LSAMP: variants seen among roughly 807,000 people sequenced by gnomAD.
LSAMP encodes the protein limbic system-associated membrane protein.
A neutral mutation model predicts 38.6 loss-of-function variants in LSAMP; 7 were observed. That is an observed-to-expected ratio of 0.18 (90% CI 0.10 to 0.34). The LOEUF (loss-of-function observed/expected upper bound fraction) is 0.34. Among genes scored for constraint, LSAMP ranks in the 10% least tolerant of loss-of-function variants. The pLI is 1.00. For synonymous variants in LSAMP, 154 were observed against 166.8 expected (o/e 0.92, Z 0.59); for missense variants, 313 against 420.0 (o/e 0.75, Z 2.23).
chr3:115,998,144 C>T (rs1023888200), intron 3 of LSAMP, among the ~76,000 whole-genome samples: 7 of 151,356 alleles, frequency 4.6e-5, no homozygotes, highest in African/African-American at 1.7e-4. Flanking sequence ...GACAACCACT[C>T]AACTAGGACA....
intron 2 of LSAMP, among the ~76,000 whole-genome samples, chr3:116,055,858 G>T (rs1267323543): frequency 6.6e-6 from 1 of 152,118 alleles, no homozygotes; most frequent in Non-Finnish European, 1.5e-5. Context: ...TTCCATGTGG[G>T]TTCTAAAATT....
At chr3:115,967,184 C>T (rs60538919) in intron 3 of LSAMP, among the ~76,000 whole-genome samples, 37,501 of 152,054 alleles carry the variant, frequency 0.25, 5,272 homozygotes, top group African/African-American at 0.4. Context: ...CTCTTGAATG[C>T]TTTGCTGCTT....
At chr3:116,031,501 A>G (rs559943058) in intron 2 of LSAMP, among the ~76,000 whole-genome samples, 1 of 137,490 alleles carries the variant, frequency 7.3e-6, no homozygotes, top group Non-Finnish European at 1.5e-5. Flanking sequence ...GATCTCTTAA[A>G]TGTAATGATT....
intron 3 of LSAMP, among the ~76,000 whole-genome samples, chr3:115,956,701 A>C (rs1163428210): frequency 6.6e-6 from 1 of 152,198 alleles, no homozygotes; most frequent in East Asian, 1.9e-4. Flanking sequence ...GAGAGAAAAA[A>C]TTGGAAGCTT....
chr3:116,022,426 C>T (rs1031317640), intron 2 of LSAMP, among the ~76,000 whole-genome samples: 5 of 152,292 alleles, frequency 3.3e-5, no homozygotes, highest in Admixed American at 6.5e-5. Flanking sequence ...AATCTGGATT[C>T]TCTCCTTAAC....
intron 1 of LSAMP, among the ~76,000 whole-genome samples, chr3:116,234,345 C>T (rs2107631407): frequency 6.6e-6 from 1 of 152,178 alleles, no homozygotes; most frequent in South Asian, 2.1e-4. Flanking sequence ...CATGAAATGA[C>T]CAAATGCTGC....
Position 115,896,194 on chromosome 3 carries a change from T to C in LSAMP, c.515-43577A>G, listed in dbSNP as rs548189477. Among the ~76,000 whole-genome samples, 30 of 152,214 alleles carry C rather than the reference T, an allele frequency of 2.0e-4. No individual in the cohort carries two copies. The South Asian group carries it at 6.2e-3, about 32-fold the overall frequency. On this transcript the variant is annotated intron_variant, in intron 3 of 6. Coordinates refer to ENST00000490035, the MANE Select transcript of LSAMP (RefSeq NM_002338.5). ...AAATTCTCTACCCCTTGCTAAGATT[T>C]ATAAATAAGACAGCAAGGAAATAAA...
intron 3 of LSAMP, among the ~76,000 whole-genome samples, chr3:115,996,119 T>G (rs1375929846): frequency 6.6e-6 from 1 of 152,108 alleles, no homozygotes; most frequent in Non-Finnish European, 1.5e-5. Context: ...TAAAGTTGAT[T>G]CATAACTGAT....
intron 1 of LSAMP, among the ~76,000 whole-genome samples, chr3:116,202,669 C>T (rs552403972): frequency 6.6e-6 from 1 of 152,182 alleles, no homozygotes; most frequent in South Asian, 2.1e-4. Flanking sequence ...AGTGATCCTC[C>T]CAACTCAGCC....
At chr3:115,810,544 T>C (rs2107445928) in intron 6 of LSAMP, 130 bp from the exon 7 acceptor site, 6 of 697,942 alleles carry the variant, frequency 8.6e-6, no homozygotes, top group South Asian at 8.5e-5. Flanking sequence ...ACTGCACTTA[T>C]GTGCAGCCCA....
chr3:116,199,247 C>G (rs2045955384), intron 1 of LSAMP, among the ~76,000 whole-genome samples: 1 of 151,728 alleles, frequency 6.6e-6, no homozygotes, highest in African/African-American at 2.4e-5. Context: ...TAGTCAACAC[C>G]TACTGTTAAG....
chr3:115,893,002 T>C (rs1936639213), intron 3 of LSAMP, among the ~76,000 whole-genome samples: 1 of 151,782 alleles, frequency 6.6e-6, no homozygotes, highest in Admixed American at 6.6e-5. Flanking sequence ...AAATTTCTTA[T>C]CAACTTTATA....
At chr3:115,843,005 G>A (rs1576137093) in intron 4 of LSAMP, among the ~76,000 whole-genome samples, 2 of 152,190 alleles carry the variant, frequency 1.3e-5, no homozygotes, top group East Asian at 3.8e-4. Flanking sequence ...TATAGTTTGA[G>A]ATGGCCTTGA....
chr3:116,319,031 G>T (rs2047671334), intron 1 of LSAMP, among the ~76,000 whole-genome samples: 1 of 142,070 alleles, frequency 7.0e-6, no homozygotes, highest in Non-Finnish European at 1.5e-5. Context: ...GCAAAATAGT[G>T]TTGTATAGAA....
At chr3:115,903,075 T>A (rs1936919366) in intron 3 of LSAMP, among the ~76,000 whole-genome samples, 1 of 152,124 alleles carries the variant, frequency 6.6e-6, no homozygotes, top group Non-Finnish European at 1.5e-5. Context: ...AGCAAAGACA[T>A]GGAGTCAACC....
chr3:115,979,212 A>G (rs1272217613), intron 3 of LSAMP, among the ~76,000 whole-genome samples: 1 of 152,090 alleles, frequency 6.6e-6, no homozygotes, highest in Non-Finnish European at 1.5e-5. Flanking sequence ...GAAGAAAAAA[A>G]ACAGAATAAG....
At chr3:116,391,249 A>AGCAGCT (rs1463581379) in intron 1 of LSAMP, among the ~76,000 whole-genome samples, 1 of 151,678 alleles carries the variant, frequency 6.6e-6, no homozygotes, top group African/African-American at 2.4e-5. Flanking sequence ...TAGCGGCAGG[A>AGCAGCT]GCAGCTGCGG....
chr3:115,834,434 G>T, intron 6 of LSAMP: 1 of 723,888 alleles, frequency 1.4e-6, no homozygotes, highest in Non-Finnish European at 2.1e-6. Context: ...AAAGGTTTAA[G>T]GGAAAAAAAT....
chr3:116,358,329 G>A (rs565016177), intron 1 of LSAMP, among the ~76,000 whole-genome samples: 1 of 152,274 alleles, frequency 6.6e-6, no homozygotes, highest in South Asian at 2.1e-4. Flanking sequence ...CTGGACTTCA[G>A]TAGTGAGCAA....
Sources: gnomAD v4.1 joint callset for allele counts (sites outside exome capture counted in the v4.1 genomes callset) on GRCh38, gnomAD v4.1.1 for gene constraint, MANE v1.5 for transcripts, NCBI Gene and HGNC (gene_info 2026-07-23, HGNC 2026-07-21) for gene names.